Variants in ABCA4 observed in about 807,000 individuals in gnomAD.
ABCA4 encodes the protein retinal-specific phospholipid-transporting ATPase ABCA4.
In ABCA4, 196 loss-of-function variants were observed where a neutral mutation model predicts 263.7. The observed-to-expected ratio is 0.74, with a 90% CI of 0.66 to 0.84. The LOEUF is 0.84. Among genes scored for constraint, ABCA4 ranks in the 40% least tolerant of loss-of-function variants. The pLI, the probability that ABCA4 is intolerant of heterozygous loss-of-function variation, is 0.00. For synonymous variants in ABCA4, 1,133 were observed against 1,094.2 expected, an observed-to-expected ratio of 1.04 and a Z score of -0.70; for missense variants, 2,792 against 2,855.1, an observed-to-expected ratio of 0.98 and a Z score of 0.50.
At chr1:94,097,628 C>T (rs1239106544) in intron 6 of ABCA4, among the ~76,000 whole-genome samples, 9 of 152,204 alleles carry the variant, frequency 5.9e-5, no homozygotes, top group Middle Eastern at 3.2e-3. Context: ...TCATCAGAAT[C>T]GCCTAAGGTA....
intron 11 of ABCA4, among the ~76,000 whole-genome samples, chr1:94,072,912 T>G (rs1488252461): frequency 1.3e-5 from 2 of 152,234 alleles, no homozygotes; most frequent in African/African-American, 4.8e-5. Context: ...GACCCTATTG[T>G]GGAGGGGGTC....
At chr1:94,116,998 CTTT>C (rs1662797311) in intron 1 of ABCA4, among the ~76,000 whole-genome samples, 1 of 116,590 alleles carries the variant, frequency 8.6e-6, no homozygotes, top group Admixed American at 9.0e-5. Context: ...TTCTTTCTTT[CTTT>C]CTTTCTTTCT....
At chr1:94,101,705 G>A (rs756650340) in intron 5 of ABCA4, among the ~76,000 whole-genome samples, 54 of 152,230 alleles carry the variant, frequency 3.5e-4, no homozygotes, top group Non-Finnish European at 4.3e-4. Flanking sequence ...AGCCAGGAGG[G>A]AGTCGGGAGG....
At position 94,043,367 on chromosome 1, in the gene ABCA4, G is replaced by A. The variant is rs1190290970; in HGVS notation, c.3159C>T (p.His1053=). ...EAMLEDTGLH[H]KRNEEAQDLS... is the part of the protein sequence containing the mutation. ...GGTCCTGAGCCTCTTCATTCCGCTTGTGGTGGAGGCCTGTGTCCTCCAACA... is the reference window on the plus strand; with the variant it reads ...GGTCCTGAGCCTCTTCATTCCGCTTATGGTGGAGGCCTGTGTCCTCCAACA... Residue 1053 remains histidine, a synonymous_variant, in exon 21 of 50, where the codon CAC becomes CAT. Transcript: ENST00000370225. 1 of 1,614,126 alleles carries A rather than the reference G, an allele frequency of 6.2e-7. No individual in the cohort carries two copies. The highest frequency in any genetic ancestry group is 8.5e-7 in the Non-Finnish European group (1 of 1,180,040).
intron 6 of ABCA4, 129 bp downstream of exon 6, chr1:94,098,665 T>G: frequency 9.1e-7 from 1 of 1,101,400 alleles, no homozygotes; most frequent in African/African-American, 1.5e-5. Flanking sequence ...TTTTGAGCCC[T>G]GGGAGCCTGG....
chr1:94,079,249 T>TCACACACACA (rs4147886), intron 9 of ABCA4, 73 bp downstream of exon 9: 15 of 1,429,458 alleles, frequency 1.0e-5, no homozygotes, highest in Middle Eastern at 2.0e-4. Context: ...CACATCTCTC[T>TCACACACACA]CACACACACA....
At position 94,007,664 on chromosome 1, in the gene ABCA4, G is replaced by A; in HGVS notation, c.5975C>T (p.Thr1992Ile). The change falls in exon 43 of 50, where the codon ACC becomes ATC. Residue 1992 changes from threonine to isoleucine, a missense_variant. Transcript: ENST00000370225. ...FKMLTGDTTV[T>I]SGDATVAGKS... ...GCCTGCTACGGTGGCATCCCCTGAG[G>A]TCACTGTGGTGTCCCCAGTGAGCAT... 3.1e-6 allele frequency: 5 copies of A among 1,614,032 alleles called. No homozygotes were observed. Among genetic ancestry groups the A allele is most frequent in the Non-Finnish European group, 4.2e-6 (5 of 1,179,986 alleles).
At chr1:94,114,649 G>A (rs951141952) in intron 1 of ABCA4, among the ~76,000 whole-genome samples, 1 of 152,126 alleles carries the variant, frequency 6.6e-6, no homozygotes, top group African/African-American at 2.4e-5. Context: ...ACCATGCCCG[G>A]CTAATTTTTT....
At chr1:94,082,870 G>A (rs908320031) in intron 7 of ABCA4, among the ~76,000 whole-genome samples, 22 of 152,108 alleles carry the variant, frequency 1.4e-4, no homozygotes, top group African/African-American at 4.1e-4. Flanking sequence ...TAAAATGTGC[G>A]CATCTTTTTA....
At chr1:94,007,815 G>C in intron 42 of ABCA4, 75 bp from the exon 43 acceptor site, 2 of 1,383,596 alleles carry the variant, frequency 1.4e-6, no homozygotes, top group Non-Finnish European at 1.0e-6. Flanking sequence ...GGGTAAGTGT[G>C]TGTGTGAGCT....
chr1:94,096,546 G>T (rs556421824), intron 6 of ABCA4, among the ~76,000 whole-genome samples: 6 of 152,256 alleles, frequency 3.9e-5, no homozygotes, highest in Admixed American at 1.3e-4. Flanking sequence ...GTCTGCAAGG[G>T]TGACAGGTCA....
chr1:94,086,876 C>T (rs1040167708), intron 6 of ABCA4, among the ~76,000 whole-genome samples: 1 of 152,154 alleles, frequency 6.6e-6, no homozygotes, highest in Non-Finnish European at 1.5e-5. Context: ...TCAGCACTGT[C>T]TTAGTTCACT....
At chr1:93,998,744 T>TTTATG (rs1553186214) in intron 47 of ABCA4, among the ~76,000 whole-genome samples, 219 of 148,560 alleles carry the variant, frequency 1.5e-3, no homozygotes, top group African/African-American at 5.1e-3. Flanking sequence ...TTTATTTTAT[T>TTTATG]TTATTTTATT....
At chr1:94,082,397 G>A (rs1004149712) in intron 7 of ABCA4, among the ~76,000 whole-genome samples, 5 of 152,008 alleles carry the variant, frequency 3.3e-5, no homozygotes, top group African/African-American at 1.2e-4. Flanking sequence ...TATACTTTGG[G>A]GATTGTTTGT....
rs563908869 is a variant in ABCA4, at chr1:94,016,570, T to C, written c.5197-716A>G. On this transcript the variant is annotated intron_variant, in intron 36 of 49. Coordinates refer to ENST00000370225, the MANE Select transcript of ABCA4 (RefSeq NM_000350.3). ...TGTTCAGGTGTATAGGTCCGGTAGA[T>C]AAATGAGTTGGGAGTGAGAGAAGCC... Among the ~76,000 whole-genome samples, 4 of 152,074 alleles carry C rather than the reference T, an allele frequency of 2.6e-5. No homozygotes were observed. In the South Asian group the frequency reaches 8.3e-4, roughly 32 times the overall value.
At chr1:94,039,345 C>T (rs1417113278) in intron 24 of ABCA4, among the ~76,000 whole-genome samples, 1 of 152,198 alleles carries the variant, frequency 6.6e-6, no homozygotes, top group East Asian at 1.9e-4. Context: ...AAAGTTTGTG[C>T]TAAATAGAAA....
chr1:94,049,481 G>T (rs576109171), intron 17 of ABCA4, among the ~76,000 whole-genome samples: 1 of 152,094 alleles, frequency 6.6e-6, no homozygotes, highest in Admixed American at 6.5e-5. Flanking sequence ...AAAATTAGCC[G>T]GGTGGGGTGG....
At chr1:94,054,776 C>A (rs1383011715) in intron 16 of ABCA4, among the ~76,000 whole-genome samples, 2 of 152,108 alleles carry the variant, frequency 1.3e-5, no homozygotes, top group African/African-American at 4.8e-5. Context: ...CCAGTGCAAG[C>A]ATTTGACAGA....
At chr1:94,087,637 A>T (rs757641906) in intron 6 of ABCA4, among the ~76,000 whole-genome samples, 27 of 152,230 alleles carry the variant, frequency 1.8e-4, no homozygotes, top group Admixed American at 4.6e-4. Context: ...AACACAGGGC[A>T]GCCTGGGGGT....
Sources: gnomAD v4.1 joint callset for allele counts (sites outside exome capture counted in the v4.1 genomes callset) on GRCh38, gnomAD v4.1.1 for gene constraint, MANE v1.5 for transcripts, NCBI Gene and HGNC (gene_info 2026-07-23, HGNC 2026-07-21) for gene names.